The following NT5M variants were observed in gnomAD, a reference collection of about 807,000 sequenced individuals.
The protein encoded by NT5M is 5'(3')-deoxyribonucleotidase, mitochondrial.
Under a neutral mutation model 22.2 loss-of-function variants are expected in NT5M, and 22 were observed. That is an observed-to-expected ratio of 0.99 (90% CI 0.71 to 1.41). NT5M has a LOEUF of 1.41. Among genes scored for constraint, NT5M ranks in the 40% most tolerant of loss-of-function variants. NT5M has a pLI of 0.00. For missense variants in NT5M, 322 were observed against 314.8 expected, an observed-to-expected ratio of 1.02 and a Z score of -0.17; for synonymous variants, 167 against 133.0, an observed-to-expected ratio of 1.26 and a Z score of -1.76.
In NT5M at chr17:17,323,171, T is replaced by C; in HGVS notation, c.369-14T>C. 6.2e-7 allele frequency: 1 copy of C among 1,613,190 alleles called. No homozygotes were observed. Among genetic ancestry groups the C allele is most frequent in the Non-Finnish European group, 8.5e-7 (1 of 1,179,216 alleles). On this transcript the variant is annotated splice_polypyrimidine_tract_variant and intron_variant, in intron 2 of 4. Coordinates refer to ENST00000389022, the MANE Select transcript of NT5M (RefSeq NM_020201.4). Reference sequence around the variant, plus strand: ...ATGGGGCTGCAGGCTCAACCTCCTTTCTCTTGTTGACAGCACTGACGTCTT... The same window carrying C: ...ATGGGGCTGCAGGCTCAACCTCCTTCCTCTTGTTGACAGCACTGACGTCTT...
chr17:17,304,975 C>T (rs1035857842), intron 1 of NT5M, among the ~76,000 whole-genome samples: 17 of 152,164 alleles, frequency 1.1e-4, no homozygotes, highest in Non-Finnish European at 8.8e-5. Context: ...GCCCAGTGTG[C>T]TGAGCTCTTC....
rs186588638 is a variant in NT5M, at chr17:17,334,313, G to T, written c.430-10481G>T. On this transcript the variant is annotated intron_variant, in intron 3 of 4. Transcript: ENST00000389022. Reference sequence around the variant, plus strand: ...TATTGTAGGAGGTAAAAATGGAGAGGTTTTTTTTTTTTTTGCATGTGGATC... The same window carrying T: ...TATTGTAGGAGGTAAAAATGGAGAGTTTTTTTTTTTTTTTGCATGTGGATC... Among the ~76,000 whole-genome samples, 304 of 139,476 alleles carry T rather than the reference G, an allele frequency of 2.2e-3. 2 individuals are homozygous for T. In the East Asian group the frequency reaches 0.041, roughly 19 times the overall value. The allele number at this position is 139,476 out of a possible 152,430, so 91.5% of individuals were successfully genotyped here.
Position 17,335,639 on chromosome 17 carries a change from A to AT in NT5M, c.430-9144dup, listed in dbSNP as rs1012275614. 2.8e-3 allele frequency among the ~76,000 whole-genome samples: 412 copies of AT among 148,482 alleles called. 2 individuals carry two copies. Among genetic ancestry groups the AT allele is most frequent in the African/African-American group, 9.1e-3 (369 of 40,602 alleles). On this transcript the variant is annotated intron_variant, in intron 3 of 4. Transcript: ENST00000389022. ...ATTCTTAGTTGTTTTAAAATGAACA[A>AT]TTTTTTTTTTTGAGATGGAGTCTTG...
At chr17:17,322,695 G>T (rs940073144) in intron 2 of NT5M, among the ~76,000 whole-genome samples, 1 of 112,708 alleles carries the variant, frequency 8.9e-6, no homozygotes, top group Admixed American at 9.1e-5. Flanking sequence ...GCATGAGGGC[G>T]CAGGCACCTG....
chr17:17,316,367 G>A (rs1240603169), intron 2 of NT5M, among the ~76,000 whole-genome samples: 1 of 94,776 alleles, frequency 1.1e-5, no homozygotes, highest in Non-Finnish European at 2.5e-5. Context: ...TGTAACTTAG[G>A]TTTTTATTTA....
chr17:17,313,858 G>T (rs2048969333), intron 2 of NT5M, among the ~76,000 whole-genome samples: 1 of 152,168 alleles, frequency 6.6e-6, no homozygotes, highest in African/African-American at 2.4e-5. Flanking sequence ...GAGGGGAACA[G>T]TTGAGCAGAC....
intron 2 of NT5M, among the ~76,000 whole-genome samples, chr17:17,309,115 TTTTC>T (rs566523183): frequency 8.0e-4 from 120 of 149,564 alleles, no homozygotes; most frequent in African/African-American, 2.9e-3. Flanking sequence ...TTTCAATTCT[TTTTC>T]TTTCTTTCTT....
At chr17:17,332,269 A>C (rs1439179240) in intron 3 of NT5M, among the ~76,000 whole-genome samples, 1 of 152,124 alleles carries the variant, frequency 6.6e-6, no homozygotes, top group African/African-American at 2.4e-5. Context: ...CCATTTGGTC[A>C]TGGGCCTGTG....
intron 3 of NT5M, among the ~76,000 whole-genome samples, chr17:17,330,843 C>T (rs781009252): frequency 2.0e-5 from 3 of 150,222 alleles, no homozygotes; most frequent in Non-Finnish European, 3.0e-5. Flanking sequence ...CCCGGGTTCA[C>T]GCCATTCTCC....
At chr17:17,313,217 T>A (rs1378586074) in intron 2 of NT5M, among the ~76,000 whole-genome samples, 1 of 152,060 alleles carries the variant, frequency 6.6e-6, no homozygotes, top group African/African-American at 2.4e-5. Context: ...AGGCAGAGGT[T>A]GTGGTGAGCT....
chr17:17,338,744 T>C (rs1238635736), intron 3 of NT5M, among the ~76,000 whole-genome samples: 11 of 147,190 alleles, frequency 7.5e-5, no homozygotes, highest in African/African-American at 2.8e-4. Flanking sequence ...TTTTTTTTTT[T>C]GAGATGGAGT....
In NT5M at chr17:17,308,822, G is replaced by A. The variant is rs375221849; in HGVS notation, c.368+2179G>A. On this transcript the variant is annotated intron_variant, in intron 2 of 4. Coordinates refer to ENST00000389022, the MANE Select transcript of NT5M (RefSeq NM_020201.4). ...CTGTCTTTAGGAATTTGCCTATTCTGGGGATTTCATATAAATGGCATCATA... is the reference window on the plus strand; with the variant it reads ...CTGTCTTTAGGAATTTGCCTATTCTAGGGATTTCATATAAATGGCATCATA... Among the ~76,000 whole-genome samples, 3 of 152,294 alleles carry A rather than the reference G, an allele frequency of 2.0e-5. No homozygotes were observed. In the South Asian group the frequency reaches 6.2e-4, roughly 32 times the overall value.
intron 2 of NT5M, among the ~76,000 whole-genome samples, chr17:17,322,637 G>A (rs188136998): frequency 1.3e-5 from 2 of 152,302 alleles, no homozygotes; most frequent in Non-Finnish European, 2.9e-5. Flanking sequence ...GCCTCATGAG[G>A]GTGTTTGGGA....
chr17:17,307,700 T>C (rs9909111), intron 2 of NT5M, among the ~76,000 whole-genome samples: 116,482 of 151,694 alleles, frequency 0.77, 45,253 homozygotes, highest in Non-Finnish European at 0.83. Context: ...TACTAAAATA[T>C]AAAAACTTAG....
intron 3 of NT5M, among the ~76,000 whole-genome samples, chr17:17,329,766 A>G (rs1210179086): frequency 2.0e-5 from 3 of 151,240 alleles, no homozygotes; most frequent in African/African-American, 4.9e-5. Context: ...ACTTGAACCC[A>G]GGAGTTTGAG....
intron 3 of NT5M, among the ~76,000 whole-genome samples, chr17:17,340,625 C>T (rs766607255): frequency 6.6e-5 from 10 of 152,004 alleles, no homozygotes; most frequent in Non-Finnish European, 1.5e-4. Flanking sequence ...CTCCTGGGTT[C>T]AAGCGATTCT....
At chr17:17,314,930 C>T (rs771433370) in intron 2 of NT5M, among the ~76,000 whole-genome samples, 16 of 152,316 alleles carry the variant, frequency 1.1e-4, no homozygotes, top group South Asian at 2.1e-4. Flanking sequence ...TGTCCCATGA[C>T]CCTGAGTGTG....
chr17:17,306,467 C>T, intron 1 of NT5M, 76 bp from the exon 2 acceptor site: 4 of 975,304 alleles, frequency 4.1e-6, no homozygotes, highest in Non-Finnish European at 6.6e-6. Flanking sequence ...CCCCTATAGC[C>T]TGGCCATACT....
In NT5M at chr17:17,306,663, C is replaced by T. The variant is rs202159095; in HGVS notation, c.368+20C>T. ...ACAAAAGTAAGTTTGTCCTCCCAGC[C>T]ACTCAGTAAGTTTGTCTGAGCAGCC... is the stretch of plus-strand genomic sequence containing the variant. On this transcript the variant is annotated intron_variant, in intron 2 of 4. Transcript: ENST00000389022. The T allele has an allele frequency of 5.7e-3, 8,903 of 1,560,832 alleles. 34 individuals are homozygous for T. Among genetic ancestry groups the T allele is most frequent in the Middle Eastern group, 0.013 (78 of 5,816 alleles).
Sources: gnomAD v4.1 joint callset for allele counts (sites outside exome capture counted in the v4.1 genomes callset) on GRCh38, gnomAD v4.1.1 for gene constraint, MANE v1.5 for transcripts, NCBI Gene and HGNC (gene_info 2026-07-23, HGNC 2026-07-21) for gene names.